Variants in KALRN observed in about 807,000 individuals in gnomAD.
The protein encoded by KALRN is kalirin.
In KALRN, 70 loss-of-function variants were observed where a neutral mutation model predicts 353.7. That is an observed-to-expected ratio of 0.20 (90% CI 0.16 to 0.24). The LOEUF is 0.24. Ranked by LOEUF, KALRN falls within the 10% of genes least tolerant of loss-of-function variation. The probability of loss-of-function intolerance (pLI) is 1.00; values close to 1 mark genes in which losing one functional copy is unlikely to be tolerated. For synonymous variants in KALRN, 1,391 were observed against 1,434.8 expected, an observed-to-expected ratio of 0.97 and a Z score of 0.69; for missense variants, 2,791 against 3,756.7, an observed-to-expected ratio of 0.74 and a Z score of 6.72.
intron 35 of KALRN, among the ~76,000 whole-genome samples, chr3:124,633,517 G>A (rs1473747571): frequency 6.6e-6 from 1 of 152,128 alleles, no homozygotes; most frequent in Non-Finnish European, 1.5e-5. Flanking sequence ...GCGGCATTTG[G>A]GCTATGGTTT....
At chr3:124,390,636 G>A (rs2089220468) in intron 11 of KALRN, among the ~76,000 whole-genome samples, 1 of 152,158 alleles carries the variant, frequency 6.6e-6, no homozygotes, top group Non-Finnish European at 1.5e-5. Context: ...AATGAGGGAA[G>A]AGGAGGTTCA....
intron 48 of KALRN, among the ~76,000 whole-genome samples, chr3:124,672,809 C>T (rs750107581): frequency 3.5e-5 from 5 of 143,868 alleles, no homozygotes; most frequent in Admixed American, 7.1e-5. Context: ...GAACCTTAGC[C>T]GAGTTAGTTA....
intron 28 of KALRN, among the ~76,000 whole-genome samples, chr3:124,485,021 C>T (rs571162654): frequency 7.9e-5 from 12 of 151,982 alleles, no homozygotes; most frequent in Admixed American, 3.9e-4. Flanking sequence ...GCTTGAGCCT[C>T]GGAGGCAGAG....
At chr3:124,343,187 A>G (rs2081946738) in intron 9 of KALRN, among the ~76,000 whole-genome samples, 1 of 152,334 alleles carries the variant, frequency 6.6e-6, no homozygotes, top group South Asian at 2.1e-4. Context: ...ATTTGAGACA[A>G]GATCTCACTC....
chr3:124,328,935 G>A (rs147754152), intron 7 of KALRN, among the ~76,000 whole-genome samples: 154 of 152,230 alleles, frequency 1.0e-3, no homozygotes, highest in African/African-American at 3.6e-3. Context: ...TTTTTTCCAT[G>A]TATTTATTTA....
At position 124,702,005 on chromosome 3, in the gene KALRN, C is replaced by T. The variant is rs1391314829; in HGVS notation, c.7997-33C>T. ...TTTCTTTATTCTTATATGACATCCT[C>T]GATATTGTAAATGGATTCTCTTTCT... On this transcript the variant is annotated intron_variant, in intron 56 of 59. Coordinates refer to ENST00000682506, the MANE Select transcript of KALRN (RefSeq NM_001388419.1). The T allele has an allele frequency of 1.2e-5, 19 of 1,549,712 alleles. No individual in the cohort carries two copies. In the East Asian group the frequency reaches 1.8e-4, roughly 15 times the overall value.
At chr3:124,709,672 G>C (rs2062799738) in intron 57 of KALRN, among the ~76,000 whole-genome samples, 1 of 152,202 alleles carries the variant, frequency 6.6e-6, no homozygotes, top group Non-Finnish European at 1.5e-5. Context: ...AATAGGAAAA[G>C]AAGAATTAGA....
At chr3:124,312,883 TC>T (rs140501225) in intron 6 of KALRN, among the ~76,000 whole-genome samples, 1,763 of 152,332 alleles carry the variant, frequency 0.012, 29 homozygotes, top group African/African-American at 0.04. Flanking sequence ...CACAGCTGTA[TC>T]TGCAGAAATT....
chr3:124,495,992 T>TAC, intron 32 of KALRN, among the ~76,000 whole-genome samples: 1 of 55,904 alleles, frequency 1.8e-5, no homozygotes, highest in African/African-American at 1.0e-4. Context: ...TATATATATA[T>TAC]ATATATATAT....
At chr3:124,069,743 G>A (rs527795533) in intron 1 of KALRN, among the ~76,000 whole-genome samples, 1 of 152,260 alleles carries the variant, frequency 6.6e-6, no homozygotes, top group African/African-American at 2.4e-5. Context: ...AGTGGACTAG[G>A]GTAAGTGCTC....
intron 34 of KALRN, among the ~76,000 whole-genome samples, chr3:124,615,136 C>A (rs545489262): frequency 6.6e-6 from 1 of 152,154 alleles, no homozygotes; most frequent in African/African-American, 2.4e-5. Context: ...GTGACAGACA[C>A]TAGGGGATCA....
chr3:124,678,926 T>C (rs1332400087), intron 50 of KALRN, among the ~76,000 whole-genome samples: 1 of 152,176 alleles, frequency 6.6e-6, no homozygotes, highest in Non-Finnish European at 1.5e-5. Flanking sequence ...TTTACCCCCA[T>C]CTTGAAACAA....
At chr3:124,427,574 C>T (rs1164885249) in intron 15 of KALRN, among the ~76,000 whole-genome samples, 1 of 152,214 alleles carries the variant, frequency 6.6e-6, no homozygotes, top group East Asian at 1.9e-4. Context: ...TATCCACATC[C>T]ACTTAATCAA....
At chr3:124,476,720 C>T (rs1055127532) in intron 26 of KALRN, among the ~76,000 whole-genome samples, 2 of 152,154 alleles carry the variant, frequency 1.3e-5, no homozygotes, top group African/African-American at 4.8e-5. Flanking sequence ...ACTCTGCTTT[C>T]TTTTTCCCCA....
intron 7 of KALRN, among the ~76,000 whole-genome samples, chr3:124,326,936 C>A (rs1304323002): frequency 6.6e-6 from 1 of 152,132 alleles, no homozygotes; most frequent in Non-Finnish European, 1.5e-5. Context: ...ATTGTTATTA[C>A]CTATGTTCTT....
intron 1 of KALRN, among the ~76,000 whole-genome samples, chr3:124,143,481 G>A (rs2066890959): frequency 6.6e-6 from 1 of 152,172 alleles, no homozygotes. Flanking sequence ...CAAAGTCCTG[G>A]ATTTGAATCC....
At chr3:124,226,584 G>A (rs1365606427) in intron 1 of KALRN, among the ~76,000 whole-genome samples, 2 of 152,092 alleles carry the variant, frequency 1.3e-5, no homozygotes, top group African/African-American at 4.8e-5. Flanking sequence ...TTAGGTTTAG[G>A]GTATGACCTC....
intron 59 of KALRN, among the ~76,000 whole-genome samples, chr3:124,718,058 C>T (rs901357387): frequency 2.6e-5 from 4 of 151,194 alleles, no homozygotes; most frequent in East Asian, 2.0e-4. Flanking sequence ...GTGATCTGCC[C>T]GCCTTGGCCT....
Position 124,269,102 on chromosome 3 carries a change from C to A in KALRN, c.816C>A (p.Gly272=). The A allele has an allele frequency of 1.2e-6, 2 of 1,612,974 alleles. 1 individual carries two copies. Among genetic ancestry groups the A allele is most frequent in the South Asian group, 2.2e-5 (2 of 91,022 alleles). Reference sequence around the variant, plus strand: ...TCTCAGGACGCAACTGCATCCCGGGCAGTGCTGACTTCCAGAGCCTGGTGC... The same window carrying A: ...TCTCAGGACGCAACTGCATCCCGGGAAGTGCTGACTTCCAGAGCCTGGTGC... ...DGFSGRNCIP[G]SADFQSLVPK... is the part of the protein sequence containing the mutation. The change falls in exon 5 of 60, where the codon GGC becomes GGA. Residue 272 remains glycine (G), a synonymous_variant. Coordinates refer to ENST00000682506, the MANE Select transcript of KALRN (RefSeq NM_001388419.1).
Sources: allele counts gnomAD v4.1 joint callset (sites outside exome capture counted in the v4.1 genomes callset), GRCh38; gene constraint gnomAD v4.1.1; transcripts MANE v1.5; gene names NCBI Gene and HGNC (gene_info 2026-07-23, HGNC 2026-07-21).